The following COL26A1 variants were observed in gnomAD, a reference collection of about 807,000 sequenced individuals.
The protein encoded by COL26A1 is collagen alpha-1(XXVI) chain.
COL26A1 carries 41 observed loss-of-function variants against 59.3 expected under a neutral mutation model. The observed-to-expected ratio is 0.69, with a 90% CI of 0.54 to 0.90. COL26A1 has a LOEUF of 0.90. COL26A1 is among the 40% of genes least tolerant of loss of function. The probability of loss-of-function intolerance (pLI) is 0.00; values close to 1 mark genes in which losing one functional copy is unlikely to be tolerated. For missense variants in COL26A1, 612 were observed against 602.3 expected (o/e 1.02, Z -0.17); for synonymous variants, 266 against 256.0 (o/e 1.04, Z -0.37).
chr7:101,551,463 C>A (rs1285514519), intron 10 of COL26A1, among the ~76,000 whole-genome samples: 1 of 152,188 alleles, frequency 6.6e-6, no homozygotes, highest in African/African-American at 2.4e-5. Context: ...CCTGGGAAGT[C>A]CCTTCTTTTC....
intron 3 of COL26A1, among the ~76,000 whole-genome samples, chr7:101,494,299 G>A (rs1268663018): frequency 1.3e-5 from 2 of 151,970 alleles, no homozygotes; most frequent in Non-Finnish European, 2.9e-5. Context: ...GCTAATTTTT[G>A]TATTTTTAGT....
intron 1 of COL26A1, among the ~76,000 whole-genome samples, chr7:101,375,141 G>A (rs1481111515): frequency 6.6e-6 from 1 of 152,122 alleles, no homozygotes; most frequent in African/African-American, 2.4e-5. Flanking sequence ...GCCTGAGTCT[G>A]AGTCCAGGTT....
intron 3 of COL26A1, among the ~76,000 whole-genome samples, chr7:101,489,904 T>G (rs568433775): frequency 2.4e-5 from 2 of 84,596 alleles, no homozygotes; most frequent in Non-Finnish European, 4.0e-5. Context: ...CTTTCTTTCT[T>G]TCTTTCTTTC....
rs117962816 is a variant in COL26A1 at position 101,438,903 on chromosome 7, C to T, written c.282-8781C>T. Among the ~76,000 whole-genome samples the T allele has an allele frequency of 9.8e-4, 149 of 152,154 alleles. No individual in the cohort carries two copies. In the East Asian group the frequency reaches 0.023, roughly 23 times the overall value. On this transcript the variant is annotated intron_variant, in intron 2 of 12. Transcript: ENST00000313669. ...TTCACCATGTTTGTCAGGCTGGTCT[C>T]GAACTCCAAGACGATCCACCCGTCT...
intron 3 of COL26A1, among the ~76,000 whole-genome samples, chr7:101,503,603 A>C (rs1413543851): frequency 6.6e-6 from 1 of 151,448 alleles, no homozygotes; most frequent in Non-Finnish European, 1.5e-5. Context: ...GCTAGTCTTG[A>C]CCTCCCGGCC....
At chr7:101,456,421 T>C (rs1157276329) in intron 3 of COL26A1, among the ~76,000 whole-genome samples, 3 of 151,824 alleles carry the variant, frequency 2.0e-5, no homozygotes, top group African/African-American at 7.3e-5. Flanking sequence ...ACGCCTGTAA[T>C]CCCAGCACTT....
At chr7:101,459,913 G>A (rs1212136648) in intron 3 of COL26A1, among the ~76,000 whole-genome samples, 1 of 152,070 alleles carries the variant, frequency 6.6e-6, no homozygotes, top group African/African-American at 2.4e-5. Flanking sequence ...ATTCTGCCCC[G>A]ACTCTAGCTC....
At chr7:101,482,602 A>C (rs773449838) in intron 3 of COL26A1, among the ~76,000 whole-genome samples, 1 of 152,182 alleles carries the variant, frequency 6.6e-6, no homozygotes, top group Non-Finnish European at 1.5e-5. Context: ...AGGTTTTAGC[A>C]GGTTAGCCCA....
At chr7:101,425,234 A>C (rs1307152970) in intron 2 of COL26A1, among the ~76,000 whole-genome samples, 1 of 147,694 alleles carries the variant, frequency 6.8e-6, no homozygotes, top group Non-Finnish European at 1.5e-5. Flanking sequence ...AAAATACAAA[A>C]ATTAGCCAGG....
At position 101,414,909 on chromosome 7, in the gene COL26A1, G is replaced by A. The variant is rs948416008; in HGVS notation, c.159-5068G>A. ...GGTAGGTGGGATCCCGCCAGTCCTC[G>A]GGTCAGGAAGACTAGACTCCCTTTG... On this transcript the variant is annotated intron_variant, in intron 1 of 12. Transcript: ENST00000313669. 3.4e-4 allele frequency among the ~76,000 whole-genome samples: 52 copies of A among 152,170 alleles called. 1 individual carries two copies. Among genetic ancestry groups the A allele is most frequent in the Admixed American group, 2.7e-3 (41 of 15,276 alleles).
At chr7:101,459,168 AC>A (rs1793548812) in intron 3 of COL26A1, among the ~76,000 whole-genome samples, 1 of 152,018 alleles carries the variant, frequency 6.6e-6, no homozygotes, top group South Asian at 2.1e-4. Context: ...GCTACCTGGG[AC>A]CTTTGCAGTC....
At chr7:101,420,339 TGACA>T (rs34669537) in intron 2 of COL26A1, among the ~76,000 whole-genome samples, 25,332 of 152,124 alleles carry the variant, frequency 0.17, 2,689 homozygotes, top group Non-Finnish European at 0.23. Flanking sequence ...AGTGGGTGTT[TGACA>T]GACAGAAGAC....
chr7:101,400,953 C>T (rs534086124), intron 1 of COL26A1, among the ~76,000 whole-genome samples: 40 of 152,200 alleles, frequency 2.6e-4, no homozygotes, highest in African/African-American at 9.2e-4. Flanking sequence ...GATGCGGAGA[C>T]GGGAGTTCAA....
chr7:101,378,028 C>T (rs1791359142), intron 1 of COL26A1, among the ~76,000 whole-genome samples: 1 of 152,178 alleles, frequency 6.6e-6, no homozygotes, highest in Non-Finnish European at 1.5e-5. Flanking sequence ...GCTTCAGCCT[C>T]CTGAGTAGCT....
chr7:101,551,062 T>C, intron 9 of COL26A1, 46 bp from the exon 10 acceptor site: 1 of 1,550,256 alleles, frequency 6.5e-7, no homozygotes, highest in Non-Finnish European at 8.7e-7. Flanking sequence ...ACTGGAGACT[T>C]GGCCAGGACC....
chr7:101,450,016 TGG>T (rs1793291386), intron 3 of COL26A1, among the ~76,000 whole-genome samples: 1 of 150,220 alleles, frequency 6.7e-6, no homozygotes, highest in African/African-American at 2.5e-5. Flanking sequence ...CCCAGCTACT[TGG>T]GAGGCTGAGG....
chr7:101,366,399 C>T lies in COL26A1; in HGVS notation c.158+3209C>T, dbSNP rs1791046329. On this transcript the variant is annotated intron_variant, in intron 1 of 12. Coordinates refer to ENST00000313669, the MANE Select transcript of COL26A1 (RefSeq NM_001278563.3). ...TTTACCGGGGCTTGGCTTCAGTTGACAGGCAATGATGACAGGGCTGTTTCT... is the reference window on the plus strand; with the variant it reads ...TTTACCGGGGCTTGGCTTCAGTTGATAGGCAATGATGACAGGGCTGTTTCT... Among the ~76,000 whole-genome samples the T allele has an allele frequency of 2.0e-5, 3 of 148,784 alleles. No homozygotes were observed. The Admixed American group carries it at 2.1e-4, about 10-fold the overall frequency.
At chr7:101,435,086 A>G (rs554401265) in intron 2 of COL26A1, among the ~76,000 whole-genome samples, 1 of 152,266 alleles carries the variant, frequency 6.6e-6, no homozygotes, top group East Asian at 1.9e-4. Context: ...GCACTTTGGG[A>G]GGCTGAGGCA....
chr7:101,542,653 T>C (rs940477891), intron 5 of COL26A1, among the ~76,000 whole-genome samples: 1 of 152,146 alleles, frequency 6.6e-6, no homozygotes, highest in African/African-American at 2.4e-5. Flanking sequence ...GAGAGATGCA[T>C]GACACAGGTG....
Sources: allele counts gnomAD v4.1 joint callset (sites outside exome capture counted in the v4.1 genomes callset), GRCh38; gene constraint gnomAD v4.1.1; transcripts MANE v1.5; gene names NCBI Gene and HGNC (gene_info 2026-07-23, HGNC 2026-07-21).